Variants in SPAG16 observed in about 807,000 individuals in gnomAD.
SPAG16 encodes the protein sperm-associated antigen 16 protein.
SPAG16 carries 86 observed loss-of-function variants against 80.4 expected under a neutral mutation model. That is an observed-to-expected ratio of 1.07 (90% confidence interval 0.90 to 1.28). The LOEUF is 1.28. Ranked by LOEUF, SPAG16 falls within the 50% of genes most tolerant of loss-of-function variation. The pLI, the probability that SPAG16 is intolerant of heterozygous loss-of-function variation, is 0.00. For missense variants in SPAG16, 870 were observed against 765.3 expected (o/e 1.14, Z -1.61); for synonymous variants, 294 against 265.9 (o/e 1.11, Z -1.03).
rs559324730 is a variant in SPAG16, at chr2:213,359,912, T to C, written c.763-4164T>C. 2.6e-5 allele frequency among the ~76,000 whole-genome samples: 4 copies of C among 152,284 alleles called. No individual in the cohort carries two copies. In the East Asian group the frequency reaches 7.7e-4, roughly 29 times the overall value. ...TATTCAGCCATCTTGGAAACGACCT[T>C]AATTTGAAAATTCTAAAGAGCTAAT... On this transcript the variant is annotated intron_variant, in intron 7 of 15. Coordinates refer to ENST00000331683, the MANE Select transcript of SPAG16 (RefSeq NM_024532.5).
chr2:214,024,227 A>G (rs76684756), intron 13 of SPAG16, among the ~76,000 whole-genome samples: 2 of 151,806 alleles, frequency 1.3e-5, no homozygotes, highest in African/African-American at 4.8e-5. Context: ...AATACCAGAT[A>G]CAAAAATTCA....
At chr2:213,821,879 G>A (rs1288220405) in intron 10 of SPAG16, among the ~76,000 whole-genome samples, 1 of 152,018 alleles carries the variant, frequency 6.6e-6, no homozygotes, top group Non-Finnish European at 1.5e-5. Flanking sequence ...CAAGTGATGG[G>A]ATCTCATTTT....
chr2:213,456,515 C>A (rs780243903), intron 9 of SPAG16, among the ~76,000 whole-genome samples: 7 of 152,212 alleles, frequency 4.6e-5, no homozygotes, highest in Non-Finnish European at 1.0e-4. Flanking sequence ...CCCCACCATT[C>A]TTCAATGTTC....
intron 11 of SPAG16, among the ~76,000 whole-genome samples, chr2:213,875,133 C>G (rs1464461023): frequency 2.0e-5 from 3 of 150,722 alleles, no homozygotes; most frequent in Non-Finnish European, 1.5e-5. Context: ...GAGACAGGGT[C>G]TCACTTTATT....
At chr2:213,608,145 A>G (rs1329498041) in intron 10 of SPAG16, among the ~76,000 whole-genome samples, 2 of 152,048 alleles carry the variant, frequency 1.3e-5, no homozygotes, top group Non-Finnish European at 1.5e-5. Context: ...GGTGTTCACA[A>G]CCATGATAGA....
intron 10 of SPAG16, among the ~76,000 whole-genome samples, chr2:213,649,601 G>A (rs2062950843): frequency 6.6e-6 from 1 of 151,904 alleles, no homozygotes; most frequent in African/African-American, 2.4e-5. Context: ...TTTTGAGACA[G>A]GATCTCACTG....
intron 10 of SPAG16, among the ~76,000 whole-genome samples, chr2:213,734,244 A>G (rs1170176305): frequency 6.6e-6 from 1 of 152,220 alleles, no homozygotes; most frequent in Non-Finnish European, 1.5e-5. Context: ...CAGCAAGAAA[A>G]GAGATAAATG....
At chr2:213,710,837 T>C (rs1435619651) in intron 10 of SPAG16, among the ~76,000 whole-genome samples, 1 of 152,256 alleles carries the variant, frequency 6.6e-6, no homozygotes, top group Non-Finnish European at 1.5e-5. Context: ...TCTCCCATCC[T>C]GATATAATGT....
chr2:213,622,163 C>T (rs2061810445), intron 10 of SPAG16, among the ~76,000 whole-genome samples: 1 of 152,092 alleles, frequency 6.6e-6, no homozygotes, highest in Non-Finnish European at 1.5e-5. Flanking sequence ...ACCCAATAGT[C>T]CCATAGCTAG....
chr2:213,425,528 T>G (rs567677811), intron 9 of SPAG16, among the ~76,000 whole-genome samples: 1 of 151,948 alleles, frequency 6.6e-6, no homozygotes, highest in African/African-American at 2.4e-5. Context: ...GGCATGTGCC[T>G]GTAATCCCAG....
chr2:214,334,742 T>C (rs1439199200), intron 15 of SPAG16, among the ~76,000 whole-genome samples: 1 of 152,224 alleles, frequency 6.6e-6, no homozygotes, highest in Non-Finnish European at 1.5e-5. Flanking sequence ...CCAGATTGCT[T>C]ACTGTCACTG....
intron 10 of SPAG16, among the ~76,000 whole-genome samples, chr2:213,858,652 G>C (rs1423201343): frequency 6.6e-6 from 1 of 152,074 alleles, no homozygotes; most frequent in Non-Finnish European, 1.5e-5. Context: ...CTGTATTATA[G>C]CCATTGAATG....
intron 10 of SPAG16, among the ~76,000 whole-genome samples, chr2:213,538,942 G>A (rs2076339988): frequency 6.6e-6 from 1 of 152,038 alleles, no homozygotes; most frequent in African/African-American, 2.4e-5. Flanking sequence ...GATATACTCT[G>A]TAAACACTTT....
intron 10 of SPAG16, among the ~76,000 whole-genome samples, chr2:213,740,904 C>T (rs546857865): frequency 6.6e-6 from 1 of 152,300 alleles, no homozygotes; most frequent in South Asian, 2.1e-4. Flanking sequence ...GCAATAGAAA[C>T]CACTTTCAAA....
chr2:213,659,472 G>A lies in SPAG16; in HGVS notation c.1070+169382G>A, dbSNP rs568694167. Among the ~76,000 whole-genome samples, 5 of 152,172 alleles carry A rather than the reference G, an allele frequency of 3.3e-5. No homozygotes were observed. The East Asian group carries it at 9.7e-4, about 29-fold the overall frequency. The stretch of plus-strand genomic sequence containing the variant: ...AAATTGCAATTATAAAGTTAGGATA[G>A]TTACATCATTTTTTAAAATATAGCA... On this transcript the variant is annotated intron_variant, in intron 10 of 15. Transcript: ENST00000331683.
Position 213,350,518 on chromosome 2 carries a change from T to C in SPAG16, c.645-10T>C. 6.7e-7 allele frequency: 1 copy of C among 1,488,622 alleles called. No homozygotes were observed. The highest frequency in any genetic ancestry group is 1.3e-5 in the South Asian group (1 of 78,206). 92.2% of individuals were successfully genotyped at this position (1,488,622 alleles called of 1,614,324 possible). ...ACCCCTTAAGATGCTATTGACTTTA[T>C]TTTTTATAGGTTGAAGTTACATTAT... On this transcript the variant is annotated splice_polypyrimidine_tract_variant and intron_variant, in intron 6 of 15. Transcript: ENST00000331683.
chr2:213,783,203 C>T (rs912748609), intron 10 of SPAG16, among the ~76,000 whole-genome samples: 4 of 151,186 alleles, frequency 2.6e-5, no homozygotes, highest in Admixed American at 2.6e-4. Context: ...CAATTTCATC[C>T]ATGTCCCTAC....
intron 7 of SPAG16, among the ~76,000 whole-genome samples, chr2:213,352,275 A>G (rs1002236912): frequency 6.6e-6 from 1 of 151,958 alleles, no homozygotes; most frequent in East Asian, 1.9e-4. Context: ...GTTTAACAAT[A>G]ATTTAAATTT....
intron 13 of SPAG16, among the ~76,000 whole-genome samples, chr2:214,105,278 G>C (rs1477174115): frequency 6.6e-6 from 1 of 152,076 alleles, no homozygotes; most frequent in Non-Finnish European, 1.5e-5. Context: ...GAGAAGTAAG[G>C]GTGGATATGT....
Sources: allele counts gnomAD v4.1 joint callset (sites outside exome capture counted in the v4.1 genomes callset), GRCh38; gene constraint gnomAD v4.1.1; transcripts MANE v1.5; gene names NCBI Gene and HGNC (gene_info 2026-07-23, HGNC 2026-07-21).